Variants in PRKCE observed in about 807,000 individuals in gnomAD.
PRKCE encodes the protein protein kinase C epsilon type.
A neutral mutation model predicts 85.4 loss-of-function variants in PRKCE; 16 were observed. The observed-to-expected ratio is 0.19, with a 90% CI of 0.13 to 0.28. PRKCE has a LOEUF of 0.28. PRKCE is among the 10% of genes least tolerant of loss of function. The pLI, the probability that PRKCE is intolerant of heterozygous loss-of-function variation, is 1.00. For synonymous variants in PRKCE, 388 were observed against 371.5 expected, an observed-to-expected ratio of 1.04 and a Z score of -0.51; for missense variants, 573 against 975.2, an observed-to-expected ratio of 0.59 and a Z score of 5.49.
chr2:45,976,857 C>G (rs1448411245), intron 3 of PRKCE, among the ~76,000 whole-genome samples: 2 of 134,964 alleles, frequency 1.5e-5, no homozygotes, highest in Non-Finnish European at 3.2e-5. Context: ...GATATTGTGA[C>G]TGTGTGTGTG....
intron 1 of PRKCE, among the ~76,000 whole-genome samples, chr2:45,717,014 C>T (rs115800687): frequency 8.0e-4 from 120 of 149,168 alleles, no homozygotes; most frequent in African/African-American, 2.9e-3. Flanking sequence ...GGGTCCTTCC[C>T]ACCACATGTG....
intron 2 of PRKCE, among the ~76,000 whole-genome samples, chr2:45,884,878 T>C (rs952685484): frequency 6.7e-6 from 1 of 150,194 alleles, no homozygotes; most frequent in Non-Finnish European, 1.5e-5. Flanking sequence ...GGAAATTGTC[T>C]GCACCTGTGC....
At chr2:46,005,106 C>A (rs1013627838) in intron 8 of PRKCE, among the ~76,000 whole-genome samples, 4 of 152,128 alleles carry the variant, frequency 2.6e-5, no homozygotes, top group Non-Finnish European at 5.9e-5. Flanking sequence ...TGTCTTCTAT[C>A]CTGGCCTTTG....
chr2:45,927,805 C>T (rs923292846), intron 2 of PRKCE, among the ~76,000 whole-genome samples: 1 of 152,236 alleles, frequency 6.6e-6, no homozygotes, highest in East Asian at 1.9e-4. Context: ...AAAAATACAT[C>T]TTTATTTTTC....
intron 1 of PRKCE, among the ~76,000 whole-genome samples, chr2:45,687,618 A>G (rs1005440716): frequency 3.3e-5 from 5 of 152,230 alleles, no homozygotes; most frequent in African/African-American, 1.2e-4. Flanking sequence ...TATTTCTTGT[A>G]ACATCTAAAT....
intron 11 of PRKCE, among the ~76,000 whole-genome samples, chr2:46,104,933 A>G (rs1396433875): frequency 6.6e-6 from 1 of 152,104 alleles, no homozygotes; most frequent in Non-Finnish European, 1.5e-5. Flanking sequence ...TGCACAAAAC[A>G]GTGGAGTTAG....
At chr2:45,799,469 C>A (rs1484325406) in intron 1 of PRKCE, among the ~76,000 whole-genome samples, 1 of 152,150 alleles carries the variant, frequency 6.6e-6, no homozygotes, top group African/African-American at 2.4e-5. Flanking sequence ...GGGAAGATTG[C>A]TTAAGCCCAG....
chr2:45,875,459 G>T (rs1694403345), intron 2 of PRKCE, among the ~76,000 whole-genome samples: 1 of 152,224 alleles, frequency 6.6e-6, no homozygotes, highest in South Asian at 2.1e-4. Context: ...GTCCAGCTCT[G>T]GAGGGACCAG....
intron 1 of PRKCE, among the ~76,000 whole-genome samples, chr2:45,665,280 C>G (rs1675858777): frequency 1.3e-5 from 2 of 152,246 alleles, no homozygotes; most frequent in South Asian, 4.2e-4. Flanking sequence ...TTAAAACATT[C>G]AGAATTCACC....
At chr2:46,099,147 A>G (rs1279832992) in intron 11 of PRKCE, among the ~76,000 whole-genome samples, 1 of 152,072 alleles carries the variant, frequency 6.6e-6, no homozygotes, top group African/African-American at 2.4e-5. Context: ...CTTGCTCAGA[A>G]GCCTGCCATG....
intron 1 of PRKCE, among the ~76,000 whole-genome samples, chr2:45,735,593 C>T (rs1681988416): frequency 6.6e-6 from 1 of 152,170 alleles, no homozygotes. Context: ...TGGCACAGGC[C>T]TGTGTGAGTG....
intron 1 of PRKCE, among the ~76,000 whole-genome samples, chr2:45,792,989 G>A (rs1358980076): frequency 6.6e-6 from 1 of 152,146 alleles, no homozygotes; most frequent in Admixed American, 6.5e-5. Flanking sequence ...AGTAGAGACG[G>A]GGTTTCACCA....
At chr2:46,032,345 A>G (rs1478459564) in intron 10 of PRKCE, among the ~76,000 whole-genome samples, 1 of 152,156 alleles carries the variant, frequency 6.6e-6, no homozygotes, top group Non-Finnish European at 1.5e-5. Flanking sequence ...GTTCATTTTA[A>G]GGAGGGGAGA....
chr2:45,809,717 C>CAA (rs879282588), intron 1 of PRKCE, among the ~76,000 whole-genome samples: 4 of 136,428 alleles, frequency 2.9e-5, no homozygotes, highest in African/African-American at 1.1e-4. Flanking sequence ...AACCCTGTCT[C>CAA]AAAAAAAAAA....
intron 10 of PRKCE, among the ~76,000 whole-genome samples, chr2:46,027,777 G>T (rs894003040): frequency 2.0e-5 from 3 of 152,160 alleles, no homozygotes; most frequent in African/African-American, 4.8e-5. Flanking sequence ...GAAGTGTGGT[G>T]ACTGGTCCCA....
chr2:45,816,786 G>T (rs1342737788), intron 1 of PRKCE, among the ~76,000 whole-genome samples: 1 of 152,030 alleles, frequency 6.6e-6, no homozygotes, highest in Non-Finnish European at 1.5e-5. Context: ...TTACCTCCTC[G>T]ATATTCCTGT....
chr2:46,002,621 C>A (rs995908065), intron 7 of PRKCE, among the ~76,000 whole-genome samples: 1 of 152,178 alleles, frequency 6.6e-6, no homozygotes, highest in Admixed American at 6.5e-5. Flanking sequence ...AGAAAAAATT[C>A]TCTTCTCTCT....
intron 2 of PRKCE, among the ~76,000 whole-genome samples, chr2:45,974,834 C>A (rs1026545064): frequency 6.6e-6 from 1 of 152,120 alleles, no homozygotes; most frequent in African/African-American, 2.4e-5. Context: ...ACAGAGCCTT[C>A]CAGTGCATTT....
intron 2 of PRKCE, among the ~76,000 whole-genome samples, chr2:45,855,566 C>T (rs1331654085): frequency 6.6e-6 from 1 of 152,116 alleles, no homozygotes; most frequent in African/African-American, 2.4e-5. Context: ...CACAGTGCAT[C>T]GGTGTGTGTC....
Sources: gnomAD v4.1 joint callset for allele counts (sites outside exome capture counted in the v4.1 genomes callset) on GRCh38, gnomAD v4.1.1 for gene constraint, MANE v1.5 for transcripts, NCBI Gene and HGNC (gene_info 2026-07-23, HGNC 2026-07-21) for gene names.